STXBP6: variants seen among roughly 807,000 people sequenced by gnomAD.
STXBP6 encodes syntaxin-binding protein 6.
A neutral mutation model predicts 26.9 loss-of-function variants in STXBP6; 21 were observed. The observed-to-expected ratio is 0.78, with a 90% confidence interval of 0.55 to 1.12. The LOEUF is 1.12. Among genes scored for constraint, STXBP6 ranks in the 50% most tolerant of loss-of-function variants. The pLI, the probability that STXBP6 is intolerant of heterozygous loss-of-function variation, is 0.00. For synonymous variants in STXBP6, 97 were observed against 92.6 expected, an observed-to-expected ratio of 1.05 and a Z score of -0.27; for missense variants, 232 against 257.9, an observed-to-expected ratio of 0.90 and a Z score of 0.69.
At chr14:24,988,753 C>T (rs1229755007) in intron 1 of STXBP6, among the ~76,000 whole-genome samples, 1 of 152,158 alleles carries the variant, frequency 6.6e-6, no homozygotes, top group African/African-American at 2.4e-5. Context: ...GCAGAGAATA[C>T]TCTGCAGGGA....
At chr14:24,937,299 TAA>T (rs1398232126) in intron 2 of STXBP6, among the ~76,000 whole-genome samples, 2 of 152,322 alleles carry the variant, frequency 1.3e-5, no homozygotes, top group Non-Finnish European at 2.9e-5. Flanking sequence ...TAAAAAAAAG[TAA>T]AGAGACTACC....
intron 1 of STXBP6, among the ~76,000 whole-genome samples, chr14:25,028,188 T>G (rs991956558): frequency 6.6e-6 from 1 of 152,162 alleles, no homozygotes; most frequent in Non-Finnish European, 1.5e-5. Context: ...AAACAACAGA[T>G]TTTCAATGTA....
intron 1 of STXBP6, among the ~76,000 whole-genome samples, chr14:25,016,369 C>T (rs1428339839): frequency 6.6e-6 from 1 of 151,962 alleles, no homozygotes; most frequent in African/African-American, 2.4e-5. Flanking sequence ...TTACTTTGTG[C>T]TAATCAGAAA....
At chr14:25,000,834 C>T (rs182303520) in intron 1 of STXBP6, among the ~76,000 whole-genome samples, 2 of 150,776 alleles carry the variant, frequency 1.3e-5, no homozygotes, top group African/African-American at 2.4e-5. Context: ...TGCTGAGTTT[C>T]CCTACTCAAC....
chr14:24,983,303 C>A (rs2074247048), intron 1 of STXBP6, among the ~76,000 whole-genome samples: 1 of 152,164 alleles, frequency 6.6e-6, no homozygotes, highest in African/African-American at 2.4e-5. Context: ...TAGTATCCAA[C>A]AACTAGTCAG....
intron 1 of STXBP6, among the ~76,000 whole-genome samples, chr14:24,993,217 C>T (rs879194052): frequency 1.3e-5 from 2 of 152,196 alleles, no homozygotes; most frequent in Non-Finnish European, 2.9e-5. Context: ...ACAGGCACAT[C>T]AAACTGAGTA....
At chr14:25,045,582 C>T (rs1428991908) in intron 1 of STXBP6, among the ~76,000 whole-genome samples, 2 of 150,042 alleles carry the variant, frequency 1.3e-5, no homozygotes, top group Non-Finnish European at 3.0e-5. Flanking sequence ...ACATTAAATG[C>T]GTTCATACTT....
At chr14:24,813,499 T>C (rs917262228) in intron 5 of STXBP6, among the ~76,000 whole-genome samples, 1 of 152,198 alleles carries the variant, frequency 6.6e-6, no homozygotes, top group East Asian at 1.9e-4. Flanking sequence ...TATACAATGA[T>C]GTGAACCAGA....
chr14:25,028,807 G>A (rs1005922791), intron 1 of STXBP6, among the ~76,000 whole-genome samples: 4 of 152,050 alleles, frequency 2.6e-5, no homozygotes, highest in Admixed American at 6.6e-5. Context: ...TGATTCATGG[G>A]GGGAGGTCAA....
At chr14:24,813,573 C>T (rs1566370671) in intron 5 of STXBP6, among the ~76,000 whole-genome samples, 1 of 152,104 alleles carries the variant, frequency 6.6e-6, no homozygotes, top group Non-Finnish European at 1.5e-5. Context: ...GGGACTAATT[C>T]CTGTGGTTGG....
Position 24,932,137 on chromosome 14 carries a change from G to A in STXBP6, c.154+42528C>T, listed in dbSNP as rs369690225. ...TAAGATTTAGATTTGGGCTGGGCACGGTGGCTCATGCCTGTAATCCCAGCA... is the reference window on the plus strand; with the variant it reads ...TAAGATTTAGATTTGGGCTGGGCACAGTGGCTCATGCCTGTAATCCCAGCA... On this transcript the variant is annotated intron_variant, in intron 2 of 5. Coordinates refer to ENST00000323944, the MANE Select transcript of STXBP6 (RefSeq NM_001394410.1). Among the ~76,000 whole-genome samples, 6 of 152,142 alleles carry A rather than the reference G, an allele frequency of 3.9e-5. No homozygotes were observed. The South Asian group carries it at 6.2e-4, about 16-fold the overall frequency.
chr14:24,966,876 G>T (rs2073751406), intron 2 of STXBP6, among the ~76,000 whole-genome samples: 1 of 152,134 alleles, frequency 6.6e-6, no homozygotes. Context: ...CCCAGTTGTT[G>T]GTATACAGGA....
intron 1 of STXBP6, among the ~76,000 whole-genome samples, chr14:25,045,835 T>A (rs1322775398): frequency 6.6e-6 from 1 of 152,080 alleles, no homozygotes; most frequent in Non-Finnish European, 1.5e-5. Context: ...CTTGAACTCC[T>A]GACCTCAGGT....
At chr14:24,877,142 C>T (rs2070173618) in intron 2 of STXBP6, among the ~76,000 whole-genome samples, 1 of 152,126 alleles carries the variant, frequency 6.6e-6, no homozygotes, top group South Asian at 2.1e-4. Context: ...CATCTGTGAA[C>T]ATATTAGAAA....
At chr14:25,005,166 A>G (rs935307093) in intron 1 of STXBP6, among the ~76,000 whole-genome samples, 3 of 152,236 alleles carry the variant, frequency 2.0e-5, no homozygotes, top group African/African-American at 7.2e-5. Flanking sequence ...CCTTTTTAAA[A>G]GGGGATTTAT....
At chr14:24,857,839 T>C (rs12893363) in intron 2 of STXBP6, among the ~76,000 whole-genome samples, 23,932 of 151,922 alleles carry the variant, frequency 0.16, 2,145 homozygotes, top group Non-Finnish European at 0.21. Flanking sequence ...GTGCTAAAGA[T>C]GGACAGCATC....
At chr14:24,815,239 T>C (rs1482443008) in intron 5 of STXBP6, among the ~76,000 whole-genome samples, 1 of 152,080 alleles carries the variant, frequency 6.6e-6, no homozygotes, top group Non-Finnish European at 1.5e-5. Context: ...TAAATGCCAA[T>C]GGATAAATTT....
At chr14:24,940,555 T>C (rs2072764380) in intron 2 of STXBP6, among the ~76,000 whole-genome samples, 2 of 152,204 alleles carry the variant, frequency 1.3e-5, no homozygotes, top group Admixed American at 1.3e-4. Context: ...CTAAATAGGC[T>C]GACTGCAGAC....
At chr14:25,005,823 A>G (rs77036148) in intron 1 of STXBP6, among the ~76,000 whole-genome samples, 6,279 of 152,024 alleles carry the variant, frequency 0.041, 207 homozygotes, top group East Asian at 0.17. Flanking sequence ...AAAAAAAGCT[A>G]AATAACTGAA....
Sources: gnomAD v4.1 joint callset for allele counts (sites outside exome capture counted in the v4.1 genomes callset) on GRCh38, gnomAD v4.1.1 for gene constraint, MANE v1.5 for transcripts, NCBI Gene and HGNC (gene_info 2026-07-23, HGNC 2026-07-21) for gene names.